DCAF4: variants seen among roughly 807,000 people sequenced by gnomAD.
DCAF4 encodes the protein DDB1 and CUL4 associated factor 4.
A neutral mutation model predicts 60.9 loss-of-function variants in DCAF4; 37 were observed. The observed-to-expected ratio is 0.61, with a 90% CI of 0.47 to 0.80. The LOEUF is 0.80. DCAF4 is among the 30% of genes least tolerant of loss of function. The pLI is 0.00. For missense variants in DCAF4, 577 were observed against 650.0 expected (o/e 0.89, Z 1.22); for synonymous variants, 243 against 254.8 (o/e 0.95, Z 0.44).
intron 8 of DCAF4, among the ~76,000 whole-genome samples, chr14:72,949,641 G>A (rs963513307): frequency 5.3e-5 from 8 of 152,048 alleles, no homozygotes; most frequent in African/African-American, 1.9e-4. Flanking sequence ...CGTAATCCCA[G>A]CTATTCGGGA....
At chr14:72,942,712 A>G in intron 5 of DCAF4, 1 of 345,684 alleles carries the variant, frequency 2.9e-6, no homozygotes, top group Non-Finnish European at 5.3e-6. Flanking sequence ...TCTCAGGGGA[A>G]GGAGCTGTAC....
chr14:72,928,186 A>ATTTTTTTTTTT (rs1887902685), intron 1 of DCAF4, among the ~76,000 whole-genome samples: 1 of 21,688 alleles, frequency 4.6e-5, no homozygotes, highest in Non-Finnish European at 8.8e-5. Context: ...GAATCCCCCC[A>ATTTTTTTTTTT]CTTTTTTTTT....
rs768326831 is a variant in DCAF4 at position 72,940,361 on chromosome 14, A to C, written c.335A>C (p.Glu112Ala). 1.2e-6 allele frequency: 2 copies of C among 1,610,484 alleles called. No homozygotes were observed. The highest frequency in any genetic ancestry group is 1.7e-6 in the Non-Finnish European group (2 of 1,179,176). Residue 112 changes from glutamate to alanine, a missense_variant, in exon 4 of 14, where the codon GAA becomes GCA. Transcript: ENST00000358377. ...ESKRLRLLQE[E>A]DRRKKIARMG... The stretch of plus-strand genomic sequence containing the variant: ...AAGAGACTGCGGCTGCTCCAGGAAG[A>C]AGACAGACGGAAAAAGGTGGGCTCC...
In DCAF4 at chr14:72,940,396, C is replaced by T; in HGVS notation, c.351+19C>T. 1.9e-6 allele frequency: 3 copies of T among 1,599,848 alleles called. No individual in the cohort carries two copies. The highest frequency in any genetic ancestry group is 1.4e-5 in the African/African-American group (1 of 73,748). On this transcript the variant is annotated intron_variant, in intron 4 of 13. Coordinates refer to ENST00000358377, the MANE Select transcript of DCAF4 (RefSeq NM_015604.4). ...GAAAAAGGTGGGCTCCTCACCCCTTCGCCCCCTGTCCTCTCCGCTCCTGCC... is the reference window on the plus strand; with the variant it reads ...GAAAAAGGTGGGCTCCTCACCCCTTTGCCCCCTGTCCTCTCCGCTCCTGCC...
At chr14:72,937,829 G>C (rs1889492249) in intron 1 of DCAF4, 142 bp from the exon 2 acceptor site, 2 of 1,308,708 alleles carry the variant, frequency 1.5e-6, no homozygotes, top group Non-Finnish European at 2.0e-6. Flanking sequence ...CCCAGGTAAG[G>C]CTTGCTGTGG....
intron 2 of DCAF4, among the ~76,000 whole-genome samples, chr14:72,938,489 T>C (rs981300714): frequency 2.0e-5 from 3 of 152,244 alleles, no homozygotes; most frequent in African/African-American, 7.2e-5. Flanking sequence ...ACACTCATGC[T>C]TCGCTTAACA....
chr14:72,929,670 C>G, intron 1 of DCAF4: 1 of 1,351,952 alleles, frequency 7.4e-7, no homozygotes, highest in Non-Finnish European at 1.0e-6. Flanking sequence ...CAGCTCCTCC[C>G]GCTTCCTCTT....
chr14:72,958,996 G>A lies in DCAF4; in HGVS notation c.*191G>A. On this transcript the variant is annotated 3_prime_UTR_variant, in exon 14 of 14. Coordinates refer to ENST00000358377, the MANE Select transcript of DCAF4 (RefSeq NM_015604.4). ...GAAAGTTATTTGAGTTAAATTGCTG[G>A]CTGAGAGAGCTTGGAAGTCCTTTTC... 3 of 1,257,188 alleles carry A rather than the reference G, an allele frequency of 2.4e-6. No individual in the cohort carries two copies. Among genetic ancestry groups the A allele is most frequent in the Non-Finnish European group, 3.0e-6 (3 of 1,002,594 alleles). The allele number at this position is 1,257,188 out of a possible 1,614,324, so 77.9% of individuals were successfully genotyped here.
chr14:72,942,053 A>G, intron 5 of DCAF4: 1 of 485,644 alleles, frequency 2.1e-6, no homozygotes, highest in Non-Finnish European at 3.7e-6. Context: ...ATAGGGAGAG[A>G]GGATGGGGAC....
intron 12 of DCAF4, among the ~76,000 whole-genome samples, chr14:72,955,913 C>CTTTTTTTTTTTTTTTT (rs1176115413): frequency 9.4e-6 from 1 of 106,906 alleles, no homozygotes; most frequent in African/African-American, 3.4e-5. Flanking sequence ...CTGGTTATGT[C>CTTTTTTTTTTTTTTTT]CTTTTTTTTT....
downstream of DCAF4, chr14:72,962,088 T>G: frequency 5.3e-6 from 5 of 935,986 alleles, no homozygotes; most frequent in Non-Finnish European, 6.5e-6. Context: ...TAAAAAAATT[T>G]GTGTCTCCAA....
At chr14:72,936,235 T>C (rs969758393) in intron 1 of DCAF4, among the ~76,000 whole-genome samples, 1 of 152,122 alleles carries the variant, frequency 6.6e-6, no homozygotes, top group African/African-American at 2.4e-5. Context: ...CCACACATGG[T>C]GTTCAGGAGC....
In DCAF4 at chr14:72,956,386, A is replaced by C. The variant is rs1366676583; in HGVS notation, c.1180A>C (p.Ile394Leu). 6.2e-7 allele frequency: 1 copy of C among 1,602,162 alleles called. No homozygotes were observed. Among genetic ancestry groups the C allele is most frequent in the Non-Finnish European group, 8.5e-7 (1 of 1,173,974 alleles). ...ATGGCCCCTGGTGCTTTTTCCACAG[A>C]TCAAGCTGTGGGACCTGAGGACCAC... ...YLMASDMAGK[I>L]KLWDLRTTKC... Residue 394 changes from isoleucine (I) to leucine (L), a missense_variant and splice_region_variant, in exon 13 of 14, where the codon ATC becomes CTC. Physicochemically the swap from Ile to Leu is conservative, Grantham distance 5. Coordinates refer to ENST00000358377, the MANE Select transcript of DCAF4 (RefSeq NM_015604.4).
At chr14:72,941,422 G>T (rs1444728817) in intron 4 of DCAF4, among the ~76,000 whole-genome samples, 1 of 152,230 alleles carries the variant, frequency 6.6e-6, no homozygotes, top group Non-Finnish European at 1.5e-5. Context: ...ACCACGGGTG[G>T]AATGGAGAGT....
intron 1 of DCAF4, chr14:72,929,685 C>T: frequency 7.6e-7 from 1 of 1,321,982 alleles, no homozygotes; most frequent in African/African-American, 1.4e-5. Flanking sequence ...CCTCTTGGCA[C>T]GGATGTGCGT....
chr14:72,941,833 A>G lies in DCAF4; in HGVS notation c.431+9A>G. 1.2e-6 allele frequency: 2 copies of G among 1,612,788 alleles called. No homozygotes were observed. Among genetic ancestry groups the G allele is most frequent in the Non-Finnish European group, 1.7e-6 (2 of 1,179,336 alleles). On this transcript the variant is annotated intron_variant, in intron 5 of 13. Transcript: ENST00000358377. Reference sequence around the variant, plus strand: ...GTCACCAATTACTGCCAGTAAGACAATGCCTCTTTGTTATGTTTTCTTCAT... The same window carrying G: ...GTCACCAATTACTGCCAGTAAGACAGTGCCTCTTTGTTATGTTTTCTTCAT...
Position 72,953,826 on chromosome 14 carries a change from G to GTATGTGTA in DCAF4, c.809-337_809-336insATGTGTAT, listed in dbSNP as rs1555527975. 2.7e-3 allele frequency among the ~76,000 whole-genome samples: 232 copies of GTATGTGTA among 86,586 alleles called. 9 individuals are homozygous for GTATGTGTA. The highest frequency in any genetic ancestry group is 0.01 in the African/African-American group (221 of 22,044). The allele number at this position is 86,586 out of a possible 152,430, so 56.8% of individuals were successfully genotyped here. ...TGTGTGTGTGTGTGTGTGTGTGTGT[G>GTATGTGTA]TGTATATACACACACACTTGCCTGA... On this transcript the variant is annotated intron_variant, in intron 9 of 13. Coordinates refer to ENST00000358377, the MANE Select transcript of DCAF4 (RefSeq NM_015604.4).
chr14:72,940,478 A>G, intron 4 of DCAF4, 101 bp downstream of exon 4: 1 of 1,261,796 alleles, frequency 7.9e-7, no homozygotes, highest in Non-Finnish European at 1.1e-6. Context: ...TGCGACACTT[A>G]GCAGAGGCAC....
At position 72,953,816 on chromosome 14, in the gene DCAF4, GTGTGTGTGTGTGTA is replaced by G. The variant is rs1465805030; in HGVS notation, c.809-346_809-333del. ...TGTGTGTGTGTGTGTGTGTGTGTGTGTGTGTGTGTGTGTATATACACACACACTTGCCTGAGATC... is the reference window on the plus strand; with the variant it reads ...TGTGTGTGTGTGTGTGTGTGTGTGTGTATACACACACACTTGCCTGAGATC... On this transcript the variant is annotated intron_variant, in intron 9 of 13. Coordinates refer to ENST00000358377, the MANE Select transcript of DCAF4 (RefSeq NM_015604.4). Among the ~76,000 whole-genome samples, 4 of 128,508 alleles carry G rather than the reference GTGTGTGTGTGTGTA, an allele frequency of 3.1e-5. 1 individual carries two copies. Among genetic ancestry groups the G allele is most frequent in the East Asian group, 4.9e-4 (2 of 4,110 alleles). 84.3% of individuals were successfully genotyped at this position (128,508 alleles called of 152,430 possible). A position where few individuals can be genotyped will look rare whatever the true frequency, so the allele number is the denominator to read the frequency against.
Sources: allele counts gnomAD v4.1 joint callset (sites outside exome capture counted in the v4.1 genomes callset), GRCh38; gene constraint gnomAD v4.1.1; transcripts MANE v1.5; gene names NCBI Gene and HGNC (gene_info 2026-07-23, HGNC 2026-07-21).